The following TRIM71 variants were observed in gnomAD, a reference collection of about 807,000 sequenced individuals.
TRIM71 encodes the protein E3 ubiquitin-protein ligase TRIM71.
A neutral mutation model predicts 61.2 loss-of-function variants in TRIM71; 9 were observed. That is an observed-to-expected ratio of 0.15 (90% confidence interval 0.09 to 0.26). TRIM71 has a LOEUF of 0.26. Ranked by LOEUF, TRIM71 falls within the 10% of genes least tolerant of loss-of-function variation. The pLI, the probability that TRIM71 is intolerant of heterozygous loss-of-function variation, is 1.00. For missense variants in TRIM71, 998 were observed against 1,238.7 expected, an observed-to-expected ratio of 0.81 and a Z score of 2.92; for synonymous variants, 645 against 553.2, an observed-to-expected ratio of 1.17 and a Z score of -2.33.
In TRIM71 at chr3:32,848,940, A is replaced by G. The variant is rs571406350; in HGVS notation, c.853-24878A>G. Among the ~76,000 whole-genome samples the G allele has an allele frequency of 1.7e-3, 253 of 152,260 alleles. 1 individual carries two copies. In the Middle Eastern group the frequency reaches 0.017, roughly 10 times the overall value. On this transcript the variant is annotated intron_variant, in intron 1 of 3. Coordinates refer to ENST00000383763, the MANE Select transcript of TRIM71 (RefSeq NM_001039111.3). ...AACCCCAATCCCTCACCCCTATTCA[A>G]TGAGTTCCCTGAAGCTCTGGGGGTC... is the stretch of plus-strand genomic sequence containing the variant.
chr3:32,818,206 G>T lies in TRIM71; in HGVS notation c.126G>T (p.Ser42=), dbSNP rs1340240845. The T allele has an allele frequency of 4.5e-6, 7 of 1,559,856 alleles. No homozygotes were observed. Among genetic ancestry groups the T allele is most frequent in the South Asian group, 1.2e-5 (1 of 86,772 alleles). The stretch of plus-strand genomic sequence containing the variant: ...CCTCCTCGCAGACGTCCACGTCGTC[G>T]GGGGGCGGCGGCGGGGGCCCTGGGG... ...SSSSSQTSTS[S]GGGGGGPGAA... The change falls in exon 1 of 4, where the codon TCG becomes TCT. Residue 42 remains serine, a synonymous_variant. Coordinates refer to ENST00000383763, the MANE Select transcript of TRIM71 (RefSeq NM_001039111.3).
intron 1 of TRIM71, among the ~76,000 whole-genome samples, chr3:32,833,184 TAAAAAAAAAAAAAAAA>T (rs1182178339): frequency 3.7e-5 from 2 of 54,428 alleles, no homozygotes; most frequent in Admixed American, 2.6e-4. Flanking sequence ...ACTCTGTCTT[TAAAAAAAAAAAAAAAA>T]AAAAAAAAAA....
At chr3:32,859,726 A>C (rs1033339245) in intron 1 of TRIM71, among the ~76,000 whole-genome samples, 33 of 152,164 alleles carry the variant, frequency 2.2e-4, no homozygotes, top group African/African-American at 7.7e-4. Flanking sequence ...GGGTCACTTC[A>C]CTTGGTCTTT....
Position 32,893,739 on chromosome 3 carries a change from GTCAA to G in TRIM71, c.*1933_*1936del, listed in dbSNP as rs1208763007. On this transcript the variant is annotated 3_prime_UTR_variant, in exon 4 of 4. Transcript: ENST00000383763. ...GGAGATGATGGGGACAGTGTGACAA[GTCAA>G]TCAAGTTGCTTTTCCCGTACACCTC... is the stretch of plus-strand genomic sequence containing the variant. 6.6e-6 allele frequency: 1 copy of G among 152,090 alleles called. No homozygotes were observed. The highest frequency in any genetic ancestry group is 2.4e-5 in the African/African-American group (1 of 41,434). 9.4% of individuals were successfully genotyped at this position (152,090 alleles called of 1,614,324 possible). A position where few individuals can be genotyped will look rare whatever the true frequency, so the allele number is the denominator to read the frequency against.
intron 1 of TRIM71, among the ~76,000 whole-genome samples, chr3:32,847,283 G>T (rs1279185360): frequency 6.8e-6 from 1 of 146,262 alleles, no homozygotes; most frequent in African/African-American, 2.6e-5. Flanking sequence ...CGCAACCTCC[G>T]CGTCCCGGGT....
At chr3:32,871,371 G>T (rs1390878732) in intron 1 of TRIM71, among the ~76,000 whole-genome samples, 1 of 152,194 alleles carries the variant, frequency 6.6e-6, no homozygotes, top group South Asian at 2.1e-4. Flanking sequence ...AAGAGGGAAA[G>T]AACGGATGCG....
intron 2 of TRIM71, among the ~76,000 whole-genome samples, chr3:32,877,244 C>T (rs1054643925): frequency 3.9e-5 from 6 of 152,108 alleles, no homozygotes; most frequent in Admixed American, 1.3e-4. Context: ...GCTGGGGTTA[C>T]AGGAGCCTGC....
intron 2 of TRIM71, among the ~76,000 whole-genome samples, chr3:32,879,690 T>C (rs1331323257): frequency 7.1e-6 from 1 of 141,018 alleles, no homozygotes; most frequent in Non-Finnish European, 1.5e-5. Flanking sequence ...AAAAAAAAAC[T>C]GGCTGAGTAC....
intron 2 of TRIM71, among the ~76,000 whole-genome samples, chr3:32,876,618 G>A (rs892353735): frequency 3.9e-5 from 6 of 152,102 alleles, no homozygotes; most frequent in Admixed American, 2.0e-4. Context: ...AGAGCCACTG[G>A]TGTCTAGGTC....
chr3:32,867,631 T>C (rs1696752945), intron 1 of TRIM71, among the ~76,000 whole-genome samples: 1 of 152,162 alleles, frequency 6.6e-6, no homozygotes, highest in South Asian at 2.1e-4. Context: ...ATCTTACATA[T>C]TTATTGTGTA....
intron 1 of TRIM71, among the ~76,000 whole-genome samples, chr3:32,834,951 T>C (rs1696319026): frequency 6.6e-6 from 1 of 152,262 alleles, no homozygotes. Flanking sequence ...CAGTTCATTC[T>C]ATCAGTTCCT....
In TRIM71 at chr3:32,833,593, G is replaced by A. The variant is rs539382297; in HGVS notation, c.852+14661G>A. On this transcript the variant is annotated intron_variant, in intron 1 of 3. Transcript: ENST00000383763. ...ATGGTTATAATCTTAAGAGTGAGAG[G>A]GGGAGGTTGAGTACAGGCTGCAGGA... Among the ~76,000 whole-genome samples the A allele has an allele frequency of 2.3e-3, 354 of 151,934 alleles. 1 individual carries two copies. Among genetic ancestry groups the A allele is most frequent in the African/African-American group, 8.0e-3 (330 of 41,386 alleles).
At chr3:32,851,170 T>C (rs374197634) in intron 1 of TRIM71, among the ~76,000 whole-genome samples, 2 of 152,228 alleles carry the variant, frequency 1.3e-5, no homozygotes, top group East Asian at 3.8e-4. Flanking sequence ...GTTTGTTCTT[T>C]TTGATAAGCC....
chr3:32,862,217 G>A (rs1347693274), intron 1 of TRIM71, among the ~76,000 whole-genome samples: 2 of 152,186 alleles, frequency 1.3e-5, no homozygotes, highest in Non-Finnish European at 2.9e-5. Context: ...AAGGACACAA[G>A]ATGATGGAAC....
At chr3:32,847,757 C>T (rs987667110) in intron 1 of TRIM71, among the ~76,000 whole-genome samples, 3 of 152,178 alleles carry the variant, frequency 2.0e-5, no homozygotes, top group Non-Finnish European at 4.4e-5. Context: ...GAGTTGGCCT[C>T]CTCCCACATT....
chr3:32,855,869 A>G (rs999965993), intron 1 of TRIM71, among the ~76,000 whole-genome samples: 1 of 152,178 alleles, frequency 6.6e-6, no homozygotes, highest in Middle Eastern at 3.2e-3. Flanking sequence ...CATACAGGAG[A>G]GATGCCCCAA....
At chr3:32,819,236 AGG>A (rs1020059710) in intron 1 of TRIM71, among the ~76,000 whole-genome samples, 1 of 124,742 alleles carries the variant, frequency 8.0e-6, no homozygotes, top group African/African-American at 3.0e-5. Context: ...GTGAGTTGGG[AGG>A]AGATAGGTGT....
intron 1 of TRIM71, among the ~76,000 whole-genome samples, chr3:32,865,571 C>A (rs1696723992): frequency 6.6e-6 from 1 of 152,100 alleles, no homozygotes; most frequent in Admixed American, 6.5e-5. Flanking sequence ...TCTGGGTTTT[C>A]ATCTTCCTTA....
chr3:32,870,581 T>A (rs1696784261), intron 1 of TRIM71, among the ~76,000 whole-genome samples: 1 of 152,176 alleles, frequency 6.6e-6, no homozygotes. Flanking sequence ...GCACCCTGCC[T>A]TTCGCTGCCA....
Sources: gnomAD v4.1 joint callset for allele counts (sites outside exome capture counted in the v4.1 genomes callset) on GRCh38, gnomAD v4.1.1 for gene constraint, MANE v1.5 for transcripts, NCBI Gene and HGNC (gene_info 2026-07-23, HGNC 2026-07-21) for gene names.